Variants in RBMS3 observed in about 807,000 individuals in gnomAD.
The protein encoded by RBMS3 is RNA binding motif single stranded interacting protein 3, also known as RNA-binding motif, single-stranded-interacting protein 3.
Under a neutral mutation model 66.8 loss-of-function variants are expected in RBMS3, and 27 were observed. The ratio of observed to expected loss-of-function variants is 0.40; its 90% CI spans 0.30 to 0.56. The LOEUF (loss-of-function observed/expected upper bound fraction) is 0.56. Ranked by LOEUF, RBMS3 falls within the 20% of genes least tolerant of loss-of-function variation. The pLI is 0.40. For synonymous variants in RBMS3, 188 were observed against 183.0 expected, an observed-to-expected ratio of 1.03 and a Z score of -0.22; for missense variants, 513 against 549.5, an observed-to-expected ratio of 0.93 and a Z score of 0.66.
At chr3:29,400,389 A>T (rs1282204641) in intron 1 of RBMS3, among the ~76,000 whole-genome samples, 1 of 152,000 alleles carries the variant, frequency 6.6e-6, no homozygotes, top group Non-Finnish European at 1.5e-5. Flanking sequence ...TAGAGACAAA[A>T]AGTAGAAGAG....
At chr3:29,943,520 TTAATTA>T (rs1382964872) in intron 11 of RBMS3, among the ~76,000 whole-genome samples, 9 of 151,822 alleles carry the variant, frequency 5.9e-5, no homozygotes, top group Non-Finnish European at 1.2e-4. Flanking sequence ...GCCATGTAGT[TTAATTA>T]AGCTTTATCT....
At chr3:29,568,131 A>G (rs1003124917) in intron 3 of RBMS3, among the ~76,000 whole-genome samples, 2 of 152,154 alleles carry the variant, frequency 1.3e-5, no homozygotes, top group Non-Finnish European at 1.5e-5. Flanking sequence ...CATTCTTCAC[A>G]TTGGTTACCT....
chr3:29,465,972 G>A (rs1242558937), intron 2 of RBMS3, among the ~76,000 whole-genome samples: 1 of 151,848 alleles, frequency 6.6e-6, no homozygotes, highest in Non-Finnish European at 1.5e-5. Context: ...AGCAGGTCCT[G>A]GAAATACTGG....
At position 29,365,436 on chromosome 3, in the gene RBMS3, G is replaced by A. The variant is rs138675617; in HGVS notation, c.76-69307G>A. On this transcript the variant is annotated intron_variant, in intron 1 of 14. Coordinates refer to ENST00000383767, the MANE Select transcript of RBMS3 (RefSeq NM_001003793.3). ...TTAGCATGGATTATTTTCTCTCTTC[G>A]TATCAAAGAAGTAAAGGAAAACAAT... 4.1e-3 allele frequency among the ~76,000 whole-genome samples: 620 copies of A among 151,292 alleles called. 3 individuals are homozygous for A. The highest frequency in any genetic ancestry group is 0.014 in the African/African-American group (584 of 41,182).
chr3:29,769,752 A>G (rs1243311017), intron 6 of RBMS3, among the ~76,000 whole-genome samples: 1 of 151,958 alleles, frequency 6.6e-6, no homozygotes, highest in Non-Finnish European at 1.5e-5. Flanking sequence ...CATGAATTAA[A>G]TGACAATCAT....
chr3:29,714,263 G>A (rs1174140247), intron 4 of RBMS3, among the ~76,000 whole-genome samples: 1 of 146,314 alleles, frequency 6.8e-6, no homozygotes, highest in African/African-American at 2.5e-5. Context: ...AAGATTTAAT[G>A]AGTACTTTAA....
rs142001203 is a variant in RBMS3, at chr3:29,451,435, T to C, written c.248+16520T>C. 2.7e-3 allele frequency among the ~76,000 whole-genome samples: 417 copies of C among 152,224 alleles called. 4 individuals are homozygous for C. Among genetic ancestry groups the C allele is most frequent in the African/African-American group, 7.1e-3 (294 of 41,522 alleles). On this transcript the variant is annotated intron_variant, in intron 2 of 14. Transcript: ENST00000383767. ...AAAATAAAGATAGTAAAGGTAAAAT[T>C]TGGGGACATCAGGAAATGGTCCACA...
intron 6 of RBMS3, among the ~76,000 whole-genome samples, chr3:29,843,795 A>G (rs548162169): frequency 6.6e-6 from 1 of 152,208 alleles, no homozygotes; most frequent in East Asian, 1.9e-4. Flanking sequence ...CTAAAAATAC[A>G]AAAATTAGCC....
intron 6 of RBMS3, among the ~76,000 whole-genome samples, chr3:29,817,298 G>A (rs1380231103): frequency 6.7e-6 from 1 of 149,456 alleles, no homozygotes; most frequent in East Asian, 2.0e-4. Flanking sequence ...CCACCACCTG[G>A]GTTCAAGCGA....
rs143062243 is a variant in RBMS3 at position 29,827,191 on chromosome 3, C to T, written c.638-41667C>T. ...CTTTTTGAATTGCTAAAGAACCCTCCATACAGTAACAGATTTCAGAAGCCC... is the reference window on the plus strand; with the variant it reads ...CTTTTTGAATTGCTAAAGAACCCTCTATACAGTAACAGATTTCAGAAGCCC... On this transcript the variant is annotated intron_variant, in intron 6 of 14. Coordinates refer to ENST00000383767, the MANE Select transcript of RBMS3 (RefSeq NM_001003793.3). Among the ~76,000 whole-genome samples, 110 of 152,284 alleles carry T rather than the reference C, an allele frequency of 7.2e-4. 1 individual carries two copies. The highest frequency in any genetic ancestry group is 2.5e-3 in the African/African-American group (104 of 41,564).
chr3:29,652,309 A>G (rs2050174666), intron 4 of RBMS3, among the ~76,000 whole-genome samples: 1 of 152,134 alleles, frequency 6.6e-6, no homozygotes, highest in Admixed American at 6.5e-5. Flanking sequence ...GTATACTTGT[A>G]GGGAGGTGGG....
chr3:29,619,452 T>C (rs1476038325), intron 4 of RBMS3, among the ~76,000 whole-genome samples: 1 of 152,132 alleles, frequency 6.6e-6, no homozygotes, highest in Non-Finnish European at 1.5e-5. Flanking sequence ...GACCCTGTTG[T>C]CAATTTCTTT....
chr3:29,943,671 C>T (rs999719631), intron 11 of RBMS3, among the ~76,000 whole-genome samples: 1 of 151,804 alleles, frequency 6.6e-6, no homozygotes, highest in African/African-American at 2.4e-5. Flanking sequence ...AAGCACCTTC[C>T]GCTCTGCCTC....
intron 3 of RBMS3, among the ~76,000 whole-genome samples, chr3:29,532,246 G>GTGTATATATATATA: frequency 1.1e-5 from 1 of 88,984 alleles, no homozygotes; most frequent in East Asian, 3.5e-4. Flanking sequence ...GCATATATAT[G>GTGTATATATATATA]TATATATATA....
intron 12 of RBMS3, 176 bp from the exon 13 acceptor site, chr3:29,987,967 A>G (rs1698544583): frequency 1.8e-6 from 1 of 548,122 alleles, no homozygotes. Flanking sequence ...CTTAATCAGC[A>G]AGCAAAGGCC....
chr3:29,972,009 C>A (rs1697261366), intron 12 of RBMS3, among the ~76,000 whole-genome samples: 1 of 152,118 alleles, frequency 6.6e-6, no homozygotes, highest in African/African-American at 2.4e-5. Flanking sequence ...TGATGTAGGT[C>A]ACAATGATTT....
intron 14 of RBMS3, among the ~76,000 whole-genome samples, chr3:30,000,186 A>G (rs1488694000): frequency 6.6e-6 from 1 of 152,062 alleles, no homozygotes; most frequent in African/African-American, 2.4e-5. Flanking sequence ...AAGAACTTGA[A>G]CAAATTTACA....
At chr3:29,693,911 A>G (rs771775747) in intron 4 of RBMS3, among the ~76,000 whole-genome samples, 1 of 152,220 alleles carries the variant, frequency 6.6e-6, no homozygotes, top group African/African-American at 2.4e-5. Flanking sequence ...TAAAATGTTT[A>G]TCCATTATTT....
At chr3:29,967,986 G>A (rs1345091365) in intron 12 of RBMS3, among the ~76,000 whole-genome samples, 1 of 151,956 alleles carries the variant, frequency 6.6e-6, no homozygotes, top group African/African-American at 2.4e-5. Context: ...TCTGATCTTG[G>A]TTATTTTCTT....
Sources: allele counts gnomAD v4.1 joint callset (sites outside exome capture counted in the v4.1 genomes callset), GRCh38; gene constraint gnomAD v4.1.1; transcripts MANE v1.5; gene names NCBI Gene and HGNC (gene_info 2026-07-23, HGNC 2026-07-21).